Variants in TINAG observed in about 807,000 individuals in gnomAD.
The protein encoded by TINAG is tubulointerstitial nephritis antigen.
A neutral mutation model predicts 72.7 loss-of-function variants in TINAG; 83 were observed. That is an observed-to-expected ratio of 1.14 (90% CI 0.96 to 1.37). The LOEUF (loss-of-function observed/expected upper bound fraction) is 1.37. Among genes scored for constraint, TINAG ranks in the 40% most tolerant of loss-of-function variants. TINAG has a pLI of 0.00. For missense variants in TINAG, 685 were observed against 576.6 expected (o/e 1.19, Z -1.93); for synonymous variants, 234 against 189.9 (o/e 1.23, Z -1.91).
At position 54,313,902 on chromosome 6, in the gene TINAG, A is replaced by C. The variant is rs1374667767; in HGVS notation, c.355+4997A>C. On this transcript the variant is annotated intron_variant, in intron 1 of 10. Coordinates refer to ENST00000259782, the MANE Select transcript of TINAG (RefSeq NM_014464.4). ...TTTCTATATTATTTTGGATGTTGGA[A>C]TATCAACAGGAGTAATCGATAGTAT... 2.6e-5 allele frequency among the ~76,000 whole-genome samples: 4 copies of C among 152,184 alleles called. No homozygotes were observed. The East Asian group carries it at 5.8e-4, about 22-fold the overall frequency.
chr6:54,342,361 C>T (rs1162804084), intron 4 of TINAG, among the ~76,000 whole-genome samples: 2 of 140,588 alleles, frequency 1.4e-5, no homozygotes, highest in Non-Finnish European at 3.1e-5. Flanking sequence ...TTCCTGAAGT[C>T]TTTTTTTTTT....
At chr6:54,381,376 A>T (rs1449390031) in intron 10 of TINAG, among the ~76,000 whole-genome samples, 3 of 151,954 alleles carry the variant, frequency 2.0e-5, no homozygotes, top group African/African-American at 7.2e-5. Context: ...ATACAGATAG[A>T]ATAAAGTCTA....
At position 54,349,820 on chromosome 6, in the gene TINAG, C is replaced by T. The variant is rs139989527; in HGVS notation, c.1004C>T (p.Thr335Met). 86 of 1,610,640 alleles carry T rather than the reference C, an allele frequency of 5.3e-5. 1 individual carries two copies. Among genetic ancestry groups the T allele is most frequent in the African/African-American group, 5.2e-4 (39 of 74,750 alleles). ...RSDGRGKRHA[T>M]KPCPNNVEKS... ...GATGGGCGAGGAAAACGGCATGCCACGAAGCCATGTCCCAACAACGTAGAA... is the reference window on the plus strand; with the variant it reads ...GATGGGCGAGGAAAACGGCATGCCATGAAGCCATGTCCCAACAACGTAGAA... The change falls in exon 7 of 11, where the codon ACG becomes ATG. Residue 335 changes from threonine to methionine, a missense_variant. Thr to Met is a moderately conservative substitution (Grantham distance 81). Transcript: ENST00000259782.
chr6:54,384,851 A>G (rs547264061), intron 10 of TINAG, among the ~76,000 whole-genome samples: 1 of 152,186 alleles, frequency 6.6e-6, no homozygotes, highest in Non-Finnish European at 1.5e-5. Flanking sequence ...ATTGAAATTC[A>G]TAGGATATTA....
At chr6:54,308,121 T>C (rs995336310), upstream of TINAG, 5 of 1,549,566 alleles carry the variant, frequency 3.2e-6, no homozygotes, top group African/African-American at 2.7e-5. Flanking sequence ...AATTGCATTT[T>C]TGACTTTTGA....
chr6:54,327,158 G>A, intron 4 of TINAG: 1 of 1,547,718 alleles, frequency 6.5e-7, no homozygotes, highest in Non-Finnish European at 8.7e-7. Context: ...TGAATGGGCT[G>A]GCAAGATGGC....
Position 54,349,902 on chromosome 6 carries a change from T to C in TINAG, c.1080+6T>C, listed in dbSNP as rs1404761038. On this transcript the variant is annotated splice_donor_region_variant and intron_variant, in intron 7 of 10. Coordinates refer to ENST00000259782, the MANE Select transcript of TINAG (RefSeq NM_014464.4). ...CATACAGAGTCTCTTCCAACGTAAG[T>C]ATAAATGGCAAGAATCAAGAATAGT... 4 of 1,528,964 alleles carry C rather than the reference T, an allele frequency of 2.6e-6. No homozygotes were observed. Among genetic ancestry groups the C allele is most frequent in the Non-Finnish European group, 3.5e-6 (4 of 1,129,246 alleles). 94.7% of individuals were successfully genotyped at this position (1,528,964 alleles called of 1,614,324 possible).
chr6:54,342,311 T>C (rs1228597469), intron 4 of TINAG, among the ~76,000 whole-genome samples: 1 of 152,046 alleles, frequency 6.6e-6, no homozygotes, highest in East Asian at 1.9e-4. Context: ...TAACCTGGGC[T>C]CTTAAGAAAC....
chr6:54,314,408 A>T (rs1295444069), intron 1 of TINAG, among the ~76,000 whole-genome samples: 1 of 152,196 alleles, frequency 6.6e-6, no homozygotes, highest in African/African-American at 2.4e-5. Flanking sequence ...TTGAGAAGAC[A>T]TTCTAAAGCA....
intron 7 of TINAG, among the ~76,000 whole-genome samples, chr6:54,350,891 A>G (rs751199280): frequency 1.5e-4 from 22 of 151,704 alleles, no homozygotes; most frequent in Non-Finnish European, 2.8e-4. Context: ...AGTTTCTGGC[A>G]TGTACTTTGT....
intron 9 of TINAG, among the ~76,000 whole-genome samples, chr6:54,363,879 T>G (rs976665365): frequency 2.0e-5 from 3 of 151,514 alleles, no homozygotes; most frequent in African/African-American, 7.3e-5. Context: ...AGGTTGGTAT[T>G]CAAAGAGCAT....
intron 1 of TINAG, among the ~76,000 whole-genome samples, chr6:54,315,680 A>G (rs1419759935): frequency 1.3e-5 from 1 of 79,216 alleles, no homozygotes; most frequent in Non-Finnish European, 3.1e-5. Context: ...CTGTCAAAGT[A>G]AAAAAAAAAA....
intron 1 of TINAG, among the ~76,000 whole-genome samples, chr6:54,312,314 T>A (rs1784277127): frequency 6.6e-6 from 1 of 152,074 alleles, no homozygotes; most frequent in Non-Finnish European, 1.5e-5. Context: ...TATATATTTT[T>A]AAAATATATT....
chr6:54,375,297 T>C (rs946637318), intron 9 of TINAG, among the ~76,000 whole-genome samples: 3 of 152,158 alleles, frequency 2.0e-5, no homozygotes, highest in African/African-American at 7.2e-5. Context: ...CTTAGGCTTA[T>C]TGTTTGTCAG....
intron 9 of TINAG, among the ~76,000 whole-genome samples, chr6:54,374,992 T>C (rs1258280878): frequency 2.6e-5 from 4 of 152,114 alleles, no homozygotes; most frequent in Non-Finnish European, 4.4e-5. Flanking sequence ...TATCAGTCTA[T>C]TGGGTACGTG....
chr6:54,374,042 G>A (rs1173712259), intron 9 of TINAG, among the ~76,000 whole-genome samples: 1 of 152,112 alleles, frequency 6.6e-6, no homozygotes, highest in Non-Finnish European at 1.5e-5. Flanking sequence ...CAGTTCTACA[G>A]CAGGTCATTC....
At chr6:54,369,196 G>A (rs1313911292) in intron 9 of TINAG, among the ~76,000 whole-genome samples, 1 of 151,816 alleles carries the variant, frequency 6.6e-6, no homozygotes, top group Non-Finnish European at 1.5e-5. Flanking sequence ...CTCCTCATGA[G>A]CTTACTCATC....
At chr6:54,331,694 G>A (rs1784746108) in intron 4 of TINAG, among the ~76,000 whole-genome samples, 1 of 152,180 alleles carries the variant, frequency 6.6e-6, no homozygotes, top group Non-Finnish European at 1.5e-5. Flanking sequence ...TGACATGATT[G>A]CATATTTAGA....
At chr6:54,338,369 G>T (rs569413981) in intron 4 of TINAG, among the ~76,000 whole-genome samples, 1 of 152,068 alleles carries the variant, frequency 6.6e-6, no homozygotes, top group African/African-American at 2.4e-5. Context: ...CATAGTACAG[G>T]CACCTATTCT....
Sources: gnomAD v4.1 joint callset for allele counts (sites outside exome capture counted in the v4.1 genomes callset) on GRCh38, gnomAD v4.1.1 for gene constraint, MANE v1.5 for transcripts, NCBI Gene and HGNC (gene_info 2026-07-23, HGNC 2026-07-21) for gene names.